SLC35F4: variants seen among roughly 807,000 people sequenced by gnomAD.
The protein encoded by SLC35F4 is chromosome 14 open reading frame 36.
SLC35F4 carries 24 observed loss-of-function variants against 44.2 expected under a neutral mutation model. That is an observed-to-expected ratio of 0.54 (90% CI 0.39 to 0.76). The LOEUF (loss-of-function observed/expected upper bound fraction) is 0.76. SLC35F4 is among the 30% of genes least tolerant of loss of function. SLC35F4 has a pLI of 0.00. For missense variants in SLC35F4, 562 were observed against 586.1 expected, an observed-to-expected ratio of 0.96 and a Z score of 0.42; for synonymous variants, 238 against 223.6, an observed-to-expected ratio of 1.06 and a Z score of -0.57.
intron 4 of SLC35F4, among the ~76,000 whole-genome samples, chr14:57,577,532 A>G (rs374212155): frequency 1.3e-5 from 2 of 152,184 alleles, no homozygotes; most frequent in East Asian, 1.9e-4. Context: ...ATAAAAAAAT[A>G]AGAGAGGGAC....
intron 1 of SLC35F4, among the ~76,000 whole-genome samples, chr14:57,780,427 A>C (rs2077588969): frequency 6.6e-6 from 1 of 152,128 alleles, no homozygotes; most frequent in African/African-American, 2.4e-5. Flanking sequence ...TACTCAAAAA[A>C]AAATCGGAGA....
At chr14:57,974,679 T>C (rs1881160724), downstream of SLC35F4, among the ~76,000 whole-genome samples, 1 of 152,100 alleles carries the variant, frequency 6.6e-6, no homozygotes. Flanking sequence ...CCCCCACCAA[T>C]CCTGCTCATT....
chr14:57,694,057 T>G (rs1389848896), intron 1 of SLC35F4, among the ~76,000 whole-genome samples: 1 of 152,162 alleles, frequency 6.6e-6, no homozygotes, highest in Non-Finnish European at 1.5e-5. Flanking sequence ...GTAAACGAAC[T>G]GAAGACACAG....
chr14:57,961,723 C>A (rs1890342839), intron 1 of SLC35F4, among the ~76,000 whole-genome samples: 1 of 152,274 alleles, frequency 6.6e-6, no homozygotes, highest in South Asian at 2.1e-4. Flanking sequence ...GAGGCCCATC[C>A]CCTGGATCTT....
chr14:57,912,603 A>T (rs1362370876), intron 1 of SLC35F4, among the ~76,000 whole-genome samples: 1 of 151,944 alleles, frequency 6.6e-6, no homozygotes, highest in East Asian at 1.9e-4. Flanking sequence ...GGTGATTTCT[A>T]GTTTAATTCC....
chr14:57,569,825 T>C lies in SLC35F4; in HGVS notation c.1089A>G (p.Pro363=), dbSNP rs778352223. The part of the protein sequence containing the change: ...VEHWSSFAAL[P]WGCLCGMAGL... ...CTGCCATCCCACAGAGACAGCCCCA[T>C]GGCAGAGCAGCAAAAGAGGACCAGT... The change falls in exon 6 of 8, where the codon CCA becomes CCG. Residue 363 remains proline (P), a synonymous_variant. Coordinates refer to ENST00000556826, the MANE Select transcript of SLC35F4 (RefSeq NM_001306087.2). 2 of 1,611,208 alleles carry C rather than the reference T, an allele frequency of 1.2e-6. No homozygotes were observed. Among genetic ancestry groups the C allele is most frequent in the Non-Finnish European group, 1.7e-6 (2 of 1,178,786 alleles).
rs117439340 is a variant in SLC35F4, at chr14:57,802,723, G to A, written c.103+63000C>T. ...TAAACTAGAAAATCCAAAAGAAATA[G>A]GTAAATTCCTGGACACAGACACCCT... On this transcript the variant is annotated intron_variant, in intron 1 of 7. Coordinates refer to ENST00000556826, the MANE Select transcript of SLC35F4 (RefSeq NM_001306087.2). 6.4e-4 allele frequency among the ~76,000 whole-genome samples: 98 copies of A among 152,046 alleles called. No homozygotes were observed. In the East Asian group the frequency reaches 0.014, roughly 21 times the overall value.
At chr14:57,683,853 C>T (rs1335789188) in intron 1 of SLC35F4, among the ~76,000 whole-genome samples, 1 of 152,058 alleles carries the variant, frequency 6.6e-6, no homozygotes, top group East Asian at 1.9e-4. Context: ...TCCACCCAAG[C>T]CCAACTCCTC....
intron 1 of SLC35F4, among the ~76,000 whole-genome samples, chr14:57,820,623 C>T (rs1398874042): frequency 6.6e-6 from 1 of 152,186 alleles, no homozygotes; most frequent in East Asian, 1.9e-4. Context: ...TAATATTTTT[C>T]TCTTTTGAAA....
chr14:57,590,037 A>G (rs925835584), intron 2 of SLC35F4, among the ~76,000 whole-genome samples: 3 of 151,732 alleles, frequency 2.0e-5, no homozygotes, highest in Non-Finnish European at 2.9e-5. Context: ...ATGCACCAAC[A>G]TGAAAAGCGA....
At chr14:57,915,994 T>C (rs1889321599) in intron 1 of SLC35F4, among the ~76,000 whole-genome samples, 1 of 152,222 alleles carries the variant, frequency 6.6e-6, no homozygotes, top group Non-Finnish European at 1.5e-5. Flanking sequence ...CTTCTTGTTA[T>C]CAATTGTTTT....
In SLC35F4 at chr14:57,622,004, G is replaced by A. The variant is rs576851853; in HGVS notation, c.104-27880C>T. Among the ~76,000 whole-genome samples the A allele has an allele frequency of 5.7e-4, 86 of 151,184 alleles. 1 individual carries two copies. Among genetic ancestry groups the A allele is most frequent in the South Asian group, 2.1e-3 (10 of 4,730 alleles). On this transcript the variant is annotated intron_variant, in intron 1 of 7. Transcript: ENST00000556826. Reference sequence around the variant, plus strand: ...CAAACAACCCCATCAAAAAGTGGGCGAACGACATGAACAGACACTTCTCAA... The same window carrying A: ...CAAACAACCCCATCAAAAAGTGGGCAAACGACATGAACAGACACTTCTCAA...
intron 1 of SLC35F4, among the ~76,000 whole-genome samples, chr14:57,862,933 T>C (rs975718763): frequency 2.0e-5 from 3 of 152,254 alleles, no homozygotes; most frequent in Non-Finnish European, 4.4e-5. Flanking sequence ...ATTGGTGTAC[T>C]CCTGACACAT....
At chr14:57,752,404 G>T (rs150961066) in intron 1 of SLC35F4, among the ~76,000 whole-genome samples, 48 of 151,872 alleles carry the variant, frequency 3.2e-4, no homozygotes, top group Non-Finnish European at 6.2e-4. Flanking sequence ...GAGTCCATCG[G>T]TCGGCTCTGC....
intron 1 of SLC35F4, among the ~76,000 whole-genome samples, chr14:57,772,023 A>G (rs1444446947): frequency 1.3e-5 from 2 of 152,156 alleles, no homozygotes; most frequent in Non-Finnish European, 2.9e-5. Context: ...CCCCTTTCAA[A>G]TCCTTACTTA....
In SLC35F4 at chr14:57,566,524, G is replaced by A; in HGVS notation, c.1167C>T (p.Tyr389=). The A allele has an allele frequency of 4.4e-6, 7 of 1,602,520 alleles. No individual in the cohort carries two copies. Among genetic ancestry groups the A allele is most frequent in the Non-Finnish European group, 6.0e-6 (7 of 1,174,670 alleles). Residue 389 remains tyrosine, a synonymous_variant, in exon 7 of 8, where the codon TAC becomes TAT. Coordinates refer to ENST00000556826, the MANE Select transcript of SLC35F4 (RefSeq NM_001306087.2). ...ILVNVGVVLT[Y]PILISIGTVL... is the part of the protein sequence containing the mutation. Reference sequence around the variant, plus strand: ...CTGTCCCAATGGAGATTAGGATTGGGTATGTCAGCACCACCCCAACATTCA... The same window carrying A: ...CTGTCCCAATGGAGATTAGGATTGGATATGTCAGCACCACCCCAACATTCA...
intron 1 of SLC35F4, among the ~76,000 whole-genome samples, chr14:57,623,154 G>A (rs1368065584): frequency 1.3e-5 from 2 of 152,074 alleles, no homozygotes; most frequent in Non-Finnish European, 2.9e-5. Context: ...AGCAGAGGTT[G>A]CAATCCTATT....
intron 1 of SLC35F4, among the ~76,000 whole-genome samples, chr14:57,682,860 T>C (rs1325361407): frequency 3.3e-5 from 5 of 152,108 alleles, no homozygotes; most frequent in African/African-American, 7.2e-5. Context: ...AAAATAATAA[T>C]ATCTATTAAA....
chr14:57,849,908 C>A (rs940275923), intron 1 of SLC35F4, among the ~76,000 whole-genome samples: 1 of 152,162 alleles, frequency 6.6e-6, no homozygotes, highest in Admixed American at 6.5e-5. Flanking sequence ...CCTGAGGAAA[C>A]TTTGGAAACC....
Sources: gnomAD v4.1 joint callset for allele counts (sites outside exome capture counted in the v4.1 genomes callset) on GRCh38, gnomAD v4.1.1 for gene constraint, MANE v1.5 for transcripts, NCBI Gene and HGNC (gene_info 2026-07-23, HGNC 2026-07-21) for gene names.